The following ACSS2 variants were observed in gnomAD, a reference collection of about 807,000 sequenced individuals.
ACSS2 encodes the protein acetyl-coenzyme A synthetase, cytoplasmic.
ACSS2 carries 58 observed loss-of-function variants against 90.6 expected under a neutral mutation model. That is an observed-to-expected ratio of 0.64 (90% CI 0.52 to 0.80). The LOEUF is 0.80. Among genes scored for constraint, ACSS2 ranks in the 30% least tolerant of loss-of-function variants. The probability of loss-of-function intolerance (pLI) is 0.00; values close to 1 mark genes in which losing one functional copy is unlikely to be tolerated. For missense variants in ACSS2, 759 were observed against 912.0 expected (o/e 0.83, Z 2.16); for synonymous variants, 300 against 330.9 (o/e 0.91, Z 1.01).
At chr20:34,922,060 T>A in intron 13 of ACSS2, 194 bp downstream of exon 13, 1 of 1,328,846 alleles carries the variant, frequency 7.5e-7, no homozygotes. Flanking sequence ...TTTTGGGCCA[T>A]AAGTCTCCTA....
At chr20:34,920,958 A>G in intron 9 of ACSS2, 48 bp from the exon 10 acceptor site, 2 of 1,611,158 alleles carry the variant, frequency 1.2e-6, no homozygotes, top group Non-Finnish European at 1.7e-6. Context: ...GGGGATGAAT[A>G]GAAGGACTAT....
rs2081009126 is a variant in ACSS2, at chr20:34,913,502, A to C, written c.570+6A>C. On this transcript the variant is annotated splice_donor_region_variant and intron_variant, in intron 4 of 17. Transcript: ENST00000360596. Reference sequence around the variant, plus strand: ...GGGCTTTGCACTCCATTGTGGTAGGAGTTTGGGCTGGTGAAAAGGGGCAGG... The same window carrying C: ...GGGCTTTGCACTCCATTGTGGTAGGCGTTTGGGCTGGTGAAAAGGGGCAGG... 3 of 1,584,044 alleles carry C rather than the reference A, an allele frequency of 1.9e-6. No individual in the cohort carries two copies. The African/African-American group carries it at 4.1e-5, about 22-fold the overall frequency.
rs1032388162 is a variant in ACSS2, at chr20:34,923,433, T to G, written c.1657+2T>G. The G allele has an allele frequency of 6.2e-7, 1 of 1,610,418 alleles. No homozygotes were observed. The highest frequency in any genetic ancestry group is 1.3e-5 in the African/African-American group (1 of 74,962). Reference sequence around the variant, plus strand: ...CTGGATACTATGTTACAGGAGATGGTGAGCCTTAGCTATCCCCCTCTTGCA... The same window carrying G: ...CTGGATACTATGTTACAGGAGATGGGGAGCCTTAGCTATCCCCCTCTTGCA... On this transcript the variant is annotated splice_donor_variant, in intron 14 of 17. Transcript: ENST00000360596. LOFTEE classifies it high-confidence loss of function.
At chr20:34,914,543 A>C (rs2081038903) in intron 7 of ACSS2, 106 bp downstream of exon 7, 2 of 996,702 alleles carry the variant, frequency 2.0e-6, no homozygotes, top group Admixed American at 2.9e-5. Context: ...TATACTGAGG[A>C]TCCAGGAGCA....
chr20:34,897,725 A>C (rs1258454773), intron 2 of ACSS2, among the ~76,000 whole-genome samples: 3 of 152,054 alleles, frequency 2.0e-5, no homozygotes, highest in African/African-American at 7.2e-5. Flanking sequence ...GGTACTTGGG[A>C]GGCTGAGGCA....
At position 34,919,515 on chromosome 20, in the gene ACSS2, T is replaced by G. The variant is rs1476831770; in HGVS notation, c.915T>G (p.Cys305Trp). The G allele has an allele frequency of 6.2e-7, 1 of 1,612,110 alleles. No homozygotes were observed. The highest frequency in any genetic ancestry group is 2.2e-5 in the East Asian group (1 of 44,860). Reference protein sequence around the residue: ...EAGDECEPEWCDAEDPLFILY... With the variant: ...EAGDECEPEWWDAEDPLFILY... ...GGGATGAGTGTGAGCCCGAGTGGTG[T>G]GATGCCGAGGACCCACTCTTCATCC... The change falls in exon 8 of 18, where the codon TGT becomes TGG. Residue 305 changes from cysteine (C) to tryptophan (W), a missense_variant. By Grantham distance (215) the Cys-to-Trp change is radical. Coordinates refer to ENST00000360596, the MANE Select transcript of ACSS2 (RefSeq NM_018677.4).
Position 34,925,741 on chromosome 20 carries a change from G to T in ACSS2, c.1701G>T (p.Arg567Ser). The T allele has an allele frequency of 6.2e-7, 1 of 1,613,620 alleles. No homozygotes were observed. The highest frequency in any genetic ancestry group is 8.5e-7 in the Non-Finnish European group (1 of 1,179,854). The change falls in exon 15 of 18, where the codon AGG (arginine) becomes AGT (serine). Residue 567 changes from arginine (R) to serine (S), a missense_variant. Coordinates refer to ENST00000360596, the MANE Select transcript of ACSS2 (RefSeq NM_018677.4). ...DQDGYYWITG[R>S]IDDMLNVSGH... ...ATGGCTATTACTGGATCACTGGCAG[G>T]ATTGATGACATGCTCAATGTATCTG...
intron 2 of ACSS2, among the ~76,000 whole-genome samples, chr20:34,888,803 A>G (rs1056204240): frequency 2.6e-5 from 4 of 152,124 alleles, no homozygotes; most frequent in Non-Finnish European, 4.4e-5. Context: ...AGGGAGGGGA[A>G]ATGTTCCAGG....
chr20:34,909,534 A>G (rs984222077), intron 2 of ACSS2, among the ~76,000 whole-genome samples: 14 of 152,184 alleles, frequency 9.2e-5, no homozygotes, highest in Non-Finnish European at 1.5e-5. Context: ...AAGATACAGA[A>G]TAGTGTGTAT....
rs2081200139 is a variant in ACSS2, at chr20:34,921,578, C to T, written c.1445C>T (p.Thr482Ile). The T allele has an allele frequency of 6.2e-7, 1 of 1,614,220 alleles. No homozygotes were observed. Among genetic ancestry groups the T allele is most frequent in the Non-Finnish European group, 8.5e-7 (1 of 1,180,034 alleles). ...GHMLTPLPGATPMKPGSATFP... is the reference protein window; with the variant it reads ...GHMLTPLPGAIPMKPGSATFP... ...ATGTTGACTCCCCTTCCTGGTGCCA[C>T]ACCCATGAAACCCGGTTCTGCTGTG... Residue 482 changes from threonine to isoleucine, a missense_variant, in exon 12 of 18, where the codon ACA (threonine) becomes ATA (isoleucine). Transcript: ENST00000360596.
chr20:34,907,761 C>T (rs1454296831), intron 2 of ACSS2, among the ~76,000 whole-genome samples: 1 of 152,216 alleles, frequency 6.6e-6, no homozygotes, highest in African/African-American at 2.4e-5. Context: ...AATGGCTTTT[C>T]TGCCTCTGGC....
At chr20:34,889,553 C>T (rs560946284) in intron 2 of ACSS2, among the ~76,000 whole-genome samples, 4 of 152,044 alleles carry the variant, frequency 2.6e-5, no homozygotes, top group African/African-American at 9.6e-5. Context: ...CCATGCCCAC[C>T]CACACCACTA....
At chr20:34,901,459 T>C (rs2080657127) in intron 2 of ACSS2, among the ~76,000 whole-genome samples, 1 of 152,118 alleles carries the variant, frequency 6.6e-6, no homozygotes, top group Non-Finnish European at 1.5e-5. Flanking sequence ...TACCTCCTCC[T>C]TCAGCCCTTC....
At chr20:34,900,187 T>G (rs956500250) in intron 2 of ACSS2, among the ~76,000 whole-genome samples, 2 of 150,002 alleles carry the variant, frequency 1.3e-5, no homozygotes, top group African/African-American at 2.5e-5. Flanking sequence ...TTTTTTTTTT[T>G]TGAGACTGAG....
intron 8 of ACSS2, 34 bp from the exon 9 acceptor site, chr20:34,920,505 T>G: frequency 6.2e-7 from 1 of 1,602,506 alleles, no homozygotes; most frequent in African/African-American, 1.3e-5. Context: ...GGGGTGGGCA[T>G]AAGACCCTAA....
intron 2 of ACSS2, among the ~76,000 whole-genome samples, chr20:34,907,522 G>A (rs886760570): frequency 6.6e-6 from 1 of 152,160 alleles, no homozygotes; most frequent in Admixed American, 6.6e-5. Flanking sequence ...TTGAATCCTG[G>A]GTGCATATAT....
intron 2 of ACSS2, among the ~76,000 whole-genome samples, chr20:34,900,337 AT>A (rs35829893): frequency 0.66 from 93,552 of 141,986 alleles, 31,769 homozygotes; most frequent in African/African-American, 0.86. Flanking sequence ...GCCCGGCTAA[AT>A]TTTTTTTTTT....
At chr20:34,891,137 C>A (rs1182749348) in intron 2 of ACSS2, among the ~76,000 whole-genome samples, 1 of 152,156 alleles carries the variant, frequency 6.6e-6, no homozygotes, top group Non-Finnish European at 1.5e-5. Context: ...ACCATCCCCA[C>A]CTTCTCAAAT....
chr20:34,926,243 C>T lies in ACSS2; in HGVS notation c.1865C>T (p.Thr622Ile), dbSNP rs748328241. The T allele has an allele frequency of 6.2e-7, 1 of 1,614,188 alleles. No individual in the cohort carries two copies. Among genetic ancestry groups the T allele is most frequent in the Non-Finnish European group, 8.5e-7 (1 of 1,180,026 alleles). The change falls in exon 16 of 18, where the codon ACC becomes ATC. Residue 622 changes from threonine to isoleucine, a missense_variant. Transcript: ENST00000360596. ...TTTGTCACCTTGTGTGATGGCCACA[C>T]CTTCAGCCCCAAGCTCACCGAGGAG... is the stretch of plus-strand genomic sequence containing the variant. Reference protein sequence around the residue: ...YCFVTLCDGHTFSPKLTEELK... With the variant: ...YCFVTLCDGHIFSPKLTEELK...
Sources: allele counts gnomAD v4.1 joint callset (sites outside exome capture counted in the v4.1 genomes callset), GRCh38; gene constraint gnomAD v4.1.1; transcripts MANE v1.5; gene names NCBI Gene and HGNC (gene_info 2026-07-23, HGNC 2026-07-21).